Variants in TMEM150A observed in about 807,000 individuals in gnomAD.
TMEM150A encodes the protein fasting-inducible integral membrane protein TM6P1.
In TMEM150A, 18 loss-of-function variants were observed where a neutral mutation model predicts 29.8. The observed-to-expected ratio is 0.60, with a 90% CI of 0.42 to 0.90. TMEM150A has a LOEUF of 0.90. Ranked by LOEUF, TMEM150A falls within the 40% of genes least tolerant of loss-of-function variation. The pLI is 0.00. For synonymous variants in TMEM150A, 127 were observed against 143.6 expected (o/e 0.88, Z 0.83); for missense variants, 251 against 349.7 (o/e 0.72, Z 2.25).
At chr2:85,600,143 G>T (rs368056065) in intron 5 of TMEM150A, 125 bp from the exon 6 acceptor site, 2 of 1,397,046 alleles carry the variant, frequency 1.4e-6, no homozygotes, top group Admixed American at 2.3e-5. Flanking sequence ...ACAGACAGGC[G>T]GGTGGTGAAC....
chr2:85,599,824 G>A lies in TMEM150A; in HGVS notation c.396+67C>T. ...CTCTTTCCAGCCCCAACCTTGAGGT[G>A]CCACACTGCAGGCAGCCAGGCCTTG... On this transcript the variant is annotated intron_variant, in intron 6 of 7. Transcript: ENST00000334462. This position sits in a 1 kb window ranked among gnomAD's most constrained non-coding sequence, Gnocchi z 6.0. The A allele has an allele frequency of 6.2e-6, 10 of 1,610,084 alleles. No homozygotes were observed. The highest frequency in any genetic ancestry group is 7.6e-6 in the Non-Finnish European group (9 of 1,178,216).
rs1292773317 is a variant in TMEM150A, at chr2:85,600,009, A to G, written c.278T>C (p.Ile93Thr). 4 of 1,612,416 alleles carry G rather than the reference A, an allele frequency of 2.5e-6. No homozygotes were observed. The highest frequency in any genetic ancestry group is 3.4e-6 in the Non-Finnish European group (4 of 1,180,008). Residue 93 changes from isoleucine (I) to threonine (T), a missense_variant, in exon 6 of 8, where the codon ATC (isoleucine) becomes ACC (threonine). Transcript: ENST00000334462. ...GNMGAFMVALICLLRYGQLLE... is the reference protein window; with the variant it reads ...GNMGAFMVALTCLLRYGQLLE... ...GAGCTGCCCGTAGCGCAGGAGGCAGATCAGGGCCACTGGGGGAGGAGAGCA... is the reference window on the plus strand; with the variant it reads ...GAGCTGCCCGTAGCGCAGGAGGCAGGTCAGGGCCACTGGGGGAGGAGAGCA...
At position 85,602,236 on chromosome 2, in the gene TMEM150A, C is replaced by A; in HGVS notation, c.-116-172G>T. 2.8e-6 allele frequency: 1 copy of A among 354,996 alleles called. No individual in the cohort carries two copies. The highest frequency in any genetic ancestry group is 3.4e-5 in the South Asian group (1 of 29,720). The allele number at this position is 354,996 out of a possible 1,614,324, so 22.0% of individuals were successfully genotyped here. A position where few individuals can be genotyped will look rare whatever the true frequency, so the allele number is the denominator to read the frequency against. Reference sequence around the variant, plus strand: ...GGCACTGGGGGCCTCCGCGGTCAACCCAAATGCCACCGGCGTGCTGAGAGA... The same window carrying A: ...GGCACTGGGGGCCTCCGCGGTCAACACAAATGCCACCGGCGTGCTGAGAGA... On this transcript the variant is annotated intron_variant, in intron 1 of 7. Transcript: ENST00000334462. This position sits in a 1 kb window ranked among gnomAD's most constrained non-coding sequence, Gnocchi z 5.6.
Position 85,599,850 on chromosome 2 carries a change from T to G in TMEM150A, c.396+41A>C. ...CCACACTGCAGGCAGCCAGGCCTTG[T>G]TAGGTAAAGTTTAAGGTTTGCAGGG... On this transcript the variant is annotated intron_variant, in intron 6 of 7. Transcript: ENST00000334462. The surrounding 1 kb of genome is among the most constrained non-coding windows in gnomAD (Gnocchi z 6.0). 6.2e-7 allele frequency: 1 copy of G among 1,612,224 alleles called. No individual in the cohort carries two copies. Among genetic ancestry groups the G allele is most frequent in the Non-Finnish European group, 8.5e-7 (1 of 1,179,576 alleles).
chr2:85,600,323 C>A (rs770778593), intron 5 of TMEM150A, 22 bp downstream of exon 5: 1 of 1,613,398 alleles, frequency 6.2e-7, no homozygotes, highest in Middle Eastern at 1.7e-4. Flanking sequence ...CACGCAGGGT[C>A]AGGGCTAAGG....
rs1017377938 is a variant in TMEM150A at position 85,599,428 on chromosome 2, C to A, written c.574+97G>T. ...AGGGAGAGGTGTTAGTCCTCTCCCC[C>A]ACATGGCAGTGTTAGGCCTCCACCC... On this transcript the variant is annotated intron_variant, in intron 7 of 7. Coordinates refer to ENST00000334462, the MANE Select transcript of TMEM150A (RefSeq NM_001031738.3). The surrounding 1 kb of genome is among the most constrained non-coding windows in gnomAD (Gnocchi z 6.0). 4.3e-5 allele frequency: 67 copies of A among 1,566,878 alleles called. No homozygotes were observed. Among genetic ancestry groups the A allele is most frequent in the African/African-American group, 8.2e-5 (6 of 73,454 alleles).
chr2:85,599,501 G>A lies in TMEM150A; in HGVS notation c.574+24C>T, dbSNP rs774608773. 2 of 1,597,320 alleles carry A rather than the reference G, an allele frequency of 1.3e-6. No homozygotes were observed. The highest frequency in any genetic ancestry group is 1.7e-6 in the Non-Finnish European group (2 of 1,171,258). On this transcript the variant is annotated intron_variant, in intron 7 of 7. Coordinates refer to ENST00000334462, the MANE Select transcript of TMEM150A (RefSeq NM_001031738.3). This position sits in a 1 kb window ranked among gnomAD's most constrained non-coding sequence, Gnocchi z 6.0. ...AGGTTGAGCTAGAGGATGAGTTCCT[G>A]GCTGCCCCGTCCTGAAAGGATACTG...
chr2:85,601,395 G>A lies in TMEM150A; in HGVS notation c.113+40C>T. On this transcript the variant is annotated intron_variant, in intron 3 of 7. Transcript: ENST00000334462. This position sits in a 1 kb window ranked among gnomAD's most constrained non-coding sequence, Gnocchi z 4.0. ...AGGCCCAAGAGGGGACAGAGATGAAGGAAGCTTTAGAGCAAGGTTGTCTGC... is the reference window on the plus strand; with the variant it reads ...AGGCCCAAGAGGGGACAGAGATGAAAGAAGCTTTAGAGCAAGGTTGTCTGC... 2 of 1,613,106 alleles carry A rather than the reference G, an allele frequency of 1.2e-6. No individual in the cohort carries two copies. The highest frequency in any genetic ancestry group is 1.1e-5 in the South Asian group (1 of 91,042).
At position 85,601,858 on chromosome 2, in the gene TMEM150A, CCCCCCGGGCA is replaced by C; in HGVS notation, c.65+16_65+25del. 1 of 1,611,476 alleles carries C rather than the reference CCCCCCGGGCA, an allele frequency of 6.2e-7. No homozygotes were observed. Among genetic ancestry groups the C allele is most frequent in the Non-Finnish European group, 8.5e-7 (1 of 1,178,186 alleles). On this transcript the variant is annotated intron_variant, in intron 2 of 7. Transcript: ENST00000334462. This position sits in a 1 kb window ranked among gnomAD's most constrained non-coding sequence, Gnocchi z 4.0. ...TGTGTGCGTCATCAAGCTCCTGTTG[CCCCCCGGGCA>C]CCCCCCTTTACTCACACAGTCCATA... is the stretch of plus-strand genomic sequence containing the variant.
Position 85,599,949 on chromosome 2 carries a change from G to A in TMEM150A, c.338C>T (p.Thr113Met), listed in dbSNP as rs564016963. The A allele has an allele frequency of 3.8e-5, 62 of 1,613,452 alleles. No individual in the cohort carries two copies. The East Asian group carries it at 4.0e-4, about 10-fold the overall frequency. Reference sequence around the variant, plus strand: ...GTTGGTGCAGCCTGTGATGAGTGCCGTGGTGTTAACCCAAGAGTGCCGACT... The same window carrying A: ...GTTGGTGCAGCCTGTGATGAGTGCCATGGTGTTAACCCAAGAGTGCCGACT... ...EQSRHSWVNT[T>M]ALITGCTNAA... The change falls in exon 6 of 8, where the codon ACG becomes ATG. Residue 113 changes from threonine to methionine, a missense_variant. Transcript: ENST00000334462. This position sits in a 1 kb window ranked among gnomAD's most constrained non-coding sequence, Gnocchi z 6.0.
Position 85,599,993 on chromosome 2 carries a change from G to A in TMEM150A, c.294C>T (p.Tyr98=), listed in dbSNP as rs761382333. Residue 98 remains tyrosine (Y), a synonymous_variant, in exon 6 of 8, where the codon TAC becomes TAT. Coordinates refer to ENST00000334462, the MANE Select transcript of TMEM150A (RefSeq NM_001031738.3). The surrounding 1 kb of genome is among the most constrained non-coding windows in gnomAD (Gnocchi z 6.0). ...GCCGACTCTGCTCCAGGAGCTGCCC[G>A]TAGCGCAGGAGGCAGATCAGGGCCA... The part of the protein sequence containing the change: ...FMVALICLLR[Y]GQLLEQSRHS... 1.0e-4 allele frequency: 165 copies of A among 1,612,942 alleles called. No individual in the cohort carries two copies. The highest frequency in any genetic ancestry group is 7.3e-4 in the Middle Eastern group (4 of 5,452).
At position 85,601,288 on chromosome 2, in the gene TMEM150A, G is replaced by T; in HGVS notation, c.113+147C>A. 1.7e-6 allele frequency: 2 copies of T among 1,202,374 alleles called. No homozygotes were observed. Among genetic ancestry groups the T allele is most frequent in the Non-Finnish European group, 2.5e-6 (2 of 807,248 alleles). The allele number at this position is 1,202,374 out of a possible 1,614,324, so 74.5% of individuals were successfully genotyped here. A position where few individuals can be genotyped will look rare whatever the true frequency, so the allele number is the denominator to read the frequency against. The stretch of plus-strand genomic sequence containing the variant: ...GCAAAGGGATAGTGGGAAGTGGGTA[G>T]GTGGCAAGAAGCCATGCCTGGGGAC... On this transcript the variant is annotated intron_variant, in intron 3 of 7. Coordinates refer to ENST00000334462, the MANE Select transcript of TMEM150A (RefSeq NM_001031738.3). This position sits in a 1 kb window ranked among gnomAD's most constrained non-coding sequence, Gnocchi z 4.0.
Position 85,601,726 on chromosome 2 carries a change from G to A in TMEM150A, c.65+158C>T. 2.1e-6 allele frequency: 2 copies of A among 944,842 alleles called. No homozygotes were observed. The highest frequency in any genetic ancestry group is 1.5e-5 in the South Asian group (1 of 65,168). 58.5% of individuals were successfully genotyped at this position (944,842 alleles called of 1,614,324 possible). A position where few individuals can be genotyped will look rare whatever the true frequency, so the allele number is the denominator to read the frequency against. ...CAGGGCCACCCTGCTGGACAGCAGT[G>A]GTGCCAGCTTGTCCCAAGGGGCTGT... On this transcript the variant is annotated intron_variant, in intron 2 of 7. Coordinates refer to ENST00000334462, the MANE Select transcript of TMEM150A (RefSeq NM_001031738.3). This position sits in a 1 kb window ranked among gnomAD's most constrained non-coding sequence, Gnocchi z 4.0.
chr2:85,600,264 G>T, intron 5 of TMEM150A, 81 bp downstream of exon 5: 1 of 1,526,472 alleles, frequency 6.6e-7, no homozygotes, highest in Non-Finnish European at 9.1e-7. Flanking sequence ...GGGGAGGGCT[G>T]CACAGAAGGG....
Position 85,601,800 on chromosome 2 carries a change from G to C in TMEM150A, c.65+84C>G. 1 of 1,501,044 alleles carries C rather than the reference G, an allele frequency of 6.7e-7. No individual in the cohort carries two copies. Among genetic ancestry groups the C allele is most frequent in the Non-Finnish European group, 9.2e-7 (1 of 1,085,558 alleles). The allele number at this position is 1,501,044 out of a possible 1,614,324, so 93.0% of individuals were successfully genotyped here. A position where few individuals can be genotyped will look rare whatever the true frequency, so the allele number is the denominator to read the frequency against. On this transcript the variant is annotated intron_variant, in intron 2 of 7. Coordinates refer to ENST00000334462, the MANE Select transcript of TMEM150A (RefSeq NM_001031738.3). The surrounding 1 kb of genome is among the most constrained non-coding windows in gnomAD (Gnocchi z 4.0). Reference sequence around the variant, plus strand: ...TTTGAGACACCCAGAGTGACCCTGGGTACCACCGTGGCTATGACAGGACAA... The same window carrying C: ...TTTGAGACACCCAGAGTGACCCTGGCTACCACCGTGGCTATGACAGGACAA...
rs201817963 is a variant in TMEM150A, at chr2:85,600,014, G to T, written c.273C>A (p.Ala91=). ...LIGNMGAFMV[A]LICLLRYGQL... Reference sequence around the variant, plus strand: ...GCCCGTAGCGCAGGAGGCAGATCAGGGCCACTGGGGGAGGAGAGCACAGTT... The same window carrying T: ...GCCCGTAGCGCAGGAGGCAGATCAGTGCCACTGGGGGAGGAGAGCACAGTT... Residue 91 remains alanine (A), a synonymous_variant, in exon 6 of 8, where the codon GCC becomes GCA. Coordinates refer to ENST00000334462, the MANE Select transcript of TMEM150A (RefSeq NM_001031738.3). 81 of 1,612,232 alleles carry T rather than the reference G, an allele frequency of 5.0e-5. No individual in the cohort carries two copies. The African/African-American group carries it at 7.9e-4, about 16-fold the overall frequency.
chr2:85,602,154 G>T lies in TMEM150A; in HGVS notation c.-116-90C>A, dbSNP rs2104109885. 1 of 533,598 alleles carries T rather than the reference G, an allele frequency of 1.9e-6. No individual in the cohort carries two copies. The highest frequency in any genetic ancestry group is 3.2e-5 in the East Asian group (1 of 31,042). The allele number at this position is 533,598 out of a possible 1,614,324, so 33.1% of individuals were successfully genotyped here. On this transcript the variant is annotated intron_variant, in intron 1 of 7. Transcript: ENST00000334462. This position sits in a 1 kb window ranked among gnomAD's most constrained non-coding sequence, Gnocchi z 5.6. ...CAACACCTTATCCAGCGCTCCCGTT[G>T]GGTCTCTGAGCGTCCAAAGTTTGGG...
chr2:85,600,990 C>T (rs766665873), intron 4 of TMEM150A, 31 bp downstream of exon 4: 15 of 1,604,478 alleles, frequency 9.3e-6, no homozygotes, highest in East Asian at 2.2e-5. Context: ...GCCCTTAGAT[C>T]TCCCTGACCG....
In TMEM150A at chr2:85,599,254, A is replaced by G. The variant is rs763250244; in HGVS notation, c.638T>C (p.Val213Ala). The change falls in exon 8 of 8, where the codon GTG becomes GCG. Residue 213 changes from valine to alanine, a missense_variant. Val to Ala is a moderately conservative substitution (Grantham distance 64, BLOSUM62 0). Transcript: ENST00000334462. The surrounding 1 kb of genome is among the most constrained non-coding windows in gnomAD (Gnocchi z 6.0). ...GAAAATGAGGATATCGATGACACAC[A>G]CCCACTCACACAGGGCTGCCCCATG... is the stretch of plus-strand genomic sequence containing the variant. ...LQHGAALCEW[V>A]CVIDILIFYG... is the part of the protein sequence containing the mutation. 2 of 1,614,090 alleles carry G rather than the reference A, an allele frequency of 1.2e-6. No individual in the cohort carries two copies. Among genetic ancestry groups the G allele is most frequent in the Non-Finnish European group, 1.7e-6 (2 of 1,180,016 alleles).
Sources: allele counts gnomAD v4.1 joint callset, GRCh38; gene constraint gnomAD v4.1.1; non-coding constraint Gnocchi (gnomAD v3.1); transcripts MANE v1.5; gene names NCBI Gene and HGNC (gene_info 2026-07-23, HGNC 2026-07-21).